ABHD18: variants seen among roughly 807,000 people sequenced by gnomAD.
The protein encoded by ABHD18 is abhydrolase domain containing 18, also known as cardiolipin-specific deacylase, mitochondrial.
A neutral mutation model predicts 65.9 loss-of-function variants in ABHD18; 55 were observed. That is an observed-to-expected ratio of 0.84 (90% CI 0.67 to 1.05). The LOEUF (loss-of-function observed/expected upper bound fraction) is 1.05, where lower values mean the gene tolerates loss of function less well. Among genes scored for constraint, ABHD18 ranks in the 50% least tolerant of loss-of-function variants. ABHD18 has a pLI of 0.00. For missense variants in ABHD18, 533 were observed against 558.5 expected, an observed-to-expected ratio of 0.95 and a Z score of 0.46; for synonymous variants, 181 against 180.2, an observed-to-expected ratio of 1.00 and a Z score of -0.04.
At chr4:128,030,379 G>C (rs72618820) in intron 11 of ABHD18, 131 bp from the exon 12 acceptor site, 2 of 564,400 alleles carry the variant, frequency 3.5e-6, no homozygotes, top group Non-Finnish European at 5.7e-6. Flanking sequence ...GATGAGTAAG[G>C]TAGCATATTA....
intron 1 of ABHD18, 118 bp from the exon 2 acceptor site, chr4:127,982,821 G>T: frequency 1.8e-6 from 1 of 567,854 alleles, no homozygotes; most frequent in South Asian, 2.7e-5. Flanking sequence ...GTTTCCAAAG[G>T]AATTAATTCG....
intron 4 of ABHD18, among the ~76,000 whole-genome samples, chr4:127,998,518 C>T (rs545973853): frequency 1.1e-4 from 16 of 151,072 alleles, no homozygotes; most frequent in African/African-American, 3.9e-4. Flanking sequence ...GGATTACGGG[C>T]GTGAGCCACT....
intron 10 of ABHD18, among the ~76,000 whole-genome samples, chr4:128,028,231 T>C (rs776962759): frequency 3.3e-5 from 5 of 152,226 alleles, no homozygotes; most frequent in Non-Finnish European, 7.3e-5. Flanking sequence ...AATCATACAA[T>C]ATTTGTCCTT....
chr4:127,989,740 G>A lies in ABHD18; in HGVS notation c.197G>A (p.Cys66Tyr). ...HIDKIEEQSDCKILDGHFVSP... is the reference protein window; with the variant it reads ...HIDKIEEQSDYKILDGHFVSP... ...TTTTAGATTGAAGAGCAATCAGATT[G>A]TAAGATCTTAGATGGACACTTTGTT... The change falls in exon 4 of 13, where the codon TGT becomes TAT. Residue 66 changes from cysteine (C) to tyrosine (Y), a missense_variant. Coordinates refer to ENST00000645843, the MANE Select transcript of ABHD18 (RefSeq NM_001358451.3). 6.3e-7 allele frequency: 1 copy of A among 1,588,924 alleles called. No homozygotes were observed. Among genetic ancestry groups the A allele is most frequent in the Non-Finnish European group, 8.6e-7 (1 of 1,167,928 alleles).
intron 2 of ABHD18, among the ~76,000 whole-genome samples, chr4:127,983,798 G>C (rs572091369): frequency 6.6e-6 from 1 of 152,292 alleles, no homozygotes; most frequent in East Asian, 1.9e-4. Flanking sequence ...CTGGGAGGTG[G>C]AGGTTGCAGT....
At chr4:128,005,766 T>A (rs1753493434) in intron 4 of ABHD18, among the ~76,000 whole-genome samples, 1 of 152,212 alleles carries the variant, frequency 6.6e-6, no homozygotes, top group African/African-American at 2.4e-5. Flanking sequence ...ATTTTCTACC[T>A]CATGAGATTT....
chr4:127,976,576 T>C (rs1747967286), intron 1 of ABHD18, among the ~76,000 whole-genome samples: 1 of 152,198 alleles, frequency 6.6e-6, no homozygotes, highest in Non-Finnish European at 1.5e-5. Context: ...GGAAAAACTT[T>C]GCAGGGTCTC....
At chr4:128,025,047 A>G (rs1204689907) in intron 10 of ABHD18, among the ~76,000 whole-genome samples, 1 of 152,128 alleles carries the variant, frequency 6.6e-6, no homozygotes, top group Non-Finnish European at 1.5e-5. Flanking sequence ...TAATTCAAGC[A>G]TCAAAAAGTA....
At chr4:128,015,064 C>T (rs72618815) in intron 7 of ABHD18, among the ~76,000 whole-genome samples, 4,481 of 146,082 alleles carry the variant, frequency 0.031, 294 homozygotes, top group East Asian at 0.27. Context: ...GTGACAAGCG[C>T]GAAACTCCAT....
intron 12 of ABHD18, among the ~76,000 whole-genome samples, chr4:128,034,624 A>C (rs370150808): frequency 6.6e-6 from 1 of 152,020 alleles, no homozygotes; most frequent in African/African-American, 2.4e-5. Flanking sequence ...ATCTTATGGA[A>C]GATAAAATTT....
At position 127,989,799 on chromosome 4, in the gene ABHD18, C is replaced by G. The variant is rs186826737; in HGVS notation, c.256C>G (p.Pro86Ala). 1.3e-6 allele frequency: 2 copies of G among 1,588,098 alleles called. No homozygotes were observed. The highest frequency in any genetic ancestry group is 1.3e-5 in the African/African-American group (1 of 74,582). ...PMAHYVPDIM[P>A]IESVIARFQF... ...GGCTCACTATGTGCCTGATATCATGCCAATTGAATCTGTTATTGCAAGGTA... is the reference window on the plus strand; with the variant it reads ...GGCTCACTATGTGCCTGATATCATGGCAATTGAATCTGTTATTGCAAGGTA... The change falls in exon 4 of 13, where the codon CCA (proline) becomes GCA (alanine). Residue 86 changes from proline (P) to alanine (A), a missense_variant. Physicochemically the swap from Pro to Ala is conservative, Grantham distance 27. Transcript: ENST00000645843.
At chr4:127,982,690 C>T (rs1443562710) in intron 1 of ABHD18, among the ~76,000 whole-genome samples, 1 of 152,182 alleles carries the variant, frequency 6.6e-6, no homozygotes, top group South Asian at 2.1e-4. Context: ...CTTATTTCAG[C>T]AACTGTACTG....
chr4:127,971,664 G>A (rs1204539981), intron 1 of ABHD18, among the ~76,000 whole-genome samples: 1 of 151,668 alleles, frequency 6.6e-6, no homozygotes, highest in East Asian at 1.9e-4. Flanking sequence ...CTAGTTTTTT[G>A]TATTTTTAGT....
At chr4:128,013,064 C>CAAAAAA (rs1199459823) in intron 7 of ABHD18, among the ~76,000 whole-genome samples, 20 of 60,312 alleles carry the variant, frequency 3.3e-4, no homozygotes, top group East Asian at 1.8e-3. Context: ...GACTCCATCC[C>CAAAAAA]AAAAAAAAAA....
intron 10 of ABHD18, among the ~76,000 whole-genome samples, chr4:128,022,948 T>C (rs1169070026): frequency 6.6e-6 from 1 of 151,988 alleles, no homozygotes; most frequent in Non-Finnish European, 1.5e-5. Flanking sequence ...TTTTTGTATT[T>C]TTAGTAGAGA....
At chr4:128,015,571 A>G (rs919619658) in intron 7 of ABHD18, among the ~76,000 whole-genome samples, 2 of 152,134 alleles carry the variant, frequency 1.3e-5, no homozygotes, top group Non-Finnish European at 2.9e-5. Context: ...ATGAAGCATG[A>G]CTATGATCTG....
At chr4:128,031,549 A>G (rs1234030293) in intron 12 of ABHD18, among the ~76,000 whole-genome samples, 1 of 152,184 alleles carries the variant, frequency 6.6e-6, no homozygotes, top group Non-Finnish European at 1.5e-5. Flanking sequence ...GTTATTATTA[A>G]TGATTAAGTA....
intron 6 of ABHD18, chr4:128,009,754 T>C (rs1754221464): frequency 6.5e-6 from 1 of 152,684 alleles, no homozygotes; most frequent in African/African-American, 2.4e-5. Context: ...AAACATATTT[T>C]ACCATATGTA....
At chr4:128,021,050 A>AG (rs59963623) in intron 9 of ABHD18, 87 bp from the exon 10 acceptor site, 2 of 692,510 alleles carry the variant, frequency 2.9e-6, no homozygotes, top group Non-Finnish European at 4.6e-6. Context: ...AAAAAAAAAA[A>AG]GGTAGTCTCA....
Sources: allele counts gnomAD v4.1 joint callset (sites outside exome capture counted in the v4.1 genomes callset), GRCh38; gene constraint gnomAD v4.1.1; transcripts MANE v1.5; gene names NCBI Gene and HGNC (gene_info 2026-07-23, HGNC 2026-07-21).